The following KHDRBS3 variants were observed in gnomAD, a reference collection of about 807,000 sequenced individuals.
The protein encoded by KHDRBS3 is KH domain-containing, RNA-binding, signal transduction-associated protein 3.
In KHDRBS3, 23 loss-of-function variants were observed where a neutral mutation model predicts 45.6. That is an observed-to-expected ratio of 0.50 (90% CI 0.36 to 0.72). KHDRBS3 has a LOEUF of 0.72. KHDRBS3 is among the 30% of genes least tolerant of loss of function. KHDRBS3 has a pLI of 0.00. For synonymous variants in KHDRBS3, 162 were observed against 156.5 expected, an observed-to-expected ratio of 1.04 and a Z score of -0.26; for missense variants, 352 against 424.8, an observed-to-expected ratio of 0.83 and a Z score of 1.51.
intron 7 of KHDRBS3, among the ~76,000 whole-genome samples, chr8:135,624,174 C>A (rs186635867): frequency 2.0e-5 from 3 of 152,154 alleles, no homozygotes; most frequent in African/African-American, 4.8e-5. Context: ...TTTCACTGAC[C>A]ACTCCCTTTG....
At chr8:135,459,777 C>G (rs1418673464) in intron 1 of KHDRBS3, among the ~76,000 whole-genome samples, 1 of 152,178 alleles carries the variant, frequency 6.6e-6, no homozygotes, top group African/African-American at 2.4e-5. Context: ...GTCCAAAATT[C>G]TTTTGGATTC....
chr8:135,547,074 A>G (rs1295183251), intron 3 of KHDRBS3, among the ~76,000 whole-genome samples: 1 of 152,242 alleles, frequency 6.6e-6, no homozygotes, highest in African/African-American at 2.4e-5. Context: ...TGCTGTACAT[A>G]GAATGCAATT....
At chr8:135,574,389 A>G (rs898361551) in intron 5 of KHDRBS3, among the ~76,000 whole-genome samples, 4 of 152,236 alleles carry the variant, frequency 2.6e-5, no homozygotes, top group African/African-American at 9.6e-5. Flanking sequence ...ACAACTAGAT[A>G]TATATCAAAT....
chr8:135,647,750 A>G (rs1314911162), downstream of KHDRBS3: 1 of 152,244 alleles, frequency 6.6e-6, no homozygotes, highest in Non-Finnish European at 1.5e-5. Context: ...AACTTATTTT[A>G]AAAATGGTAT....
intron 7 of KHDRBS3, among the ~76,000 whole-genome samples, chr8:135,636,567 G>A (rs147970688): frequency 7.2e-4 from 109 of 152,256 alleles, no homozygotes; most frequent in African/African-American, 2.2e-3. Flanking sequence ...ACTACCCTAG[G>A]CTATTTTGAA....
At chr8:135,568,345 A>G (rs1016066874) in intron 5 of KHDRBS3, among the ~76,000 whole-genome samples, 2 of 152,196 alleles carry the variant, frequency 1.3e-5, no homozygotes, top group Admixed American at 6.5e-5. Flanking sequence ...TCAAAAAATA[A>G]CTAATCAAGA....
chr8:135,573,575 A>G (rs1330471571), intron 5 of KHDRBS3, among the ~76,000 whole-genome samples: 3 of 152,226 alleles, frequency 2.0e-5, no homozygotes, highest in Non-Finnish European at 4.4e-5. Flanking sequence ...AGATAGGAAA[A>G]CTGAGGCTTA....
chr8:135,597,605 GT>G (rs1229176985), intron 6 of KHDRBS3, among the ~76,000 whole-genome samples: 1 of 151,942 alleles, frequency 6.6e-6, no homozygotes, highest in Non-Finnish European at 1.5e-5. Flanking sequence ...GCTTGGTTTT[GT>G]TTCTCTGCTT....
At chr8:135,561,639 A>G (rs1321697173) in intron 5 of KHDRBS3, among the ~76,000 whole-genome samples, 1 of 151,992 alleles carries the variant, frequency 6.6e-6, no homozygotes, top group African/African-American at 2.4e-5. Flanking sequence ...CACACTTTTA[A>G]TACAAGATGA....
intron 7 of KHDRBS3, among the ~76,000 whole-genome samples, chr8:135,630,978 G>T (rs1198601181): frequency 6.6e-6 from 1 of 152,108 alleles, no homozygotes; most frequent in Non-Finnish European, 1.5e-5. Context: ...GCCGGGCGCG[G>T]TGGCTCACGC....
At chr8:135,558,672 A>G (rs1484351244) in intron 5 of KHDRBS3, among the ~76,000 whole-genome samples, 1 of 152,136 alleles carries the variant, frequency 6.6e-6, no homozygotes, top group Admixed American at 6.5e-5. Flanking sequence ...TAAATGGTAA[A>G]TCTCTTTCAT....
rs946997633 is a variant in KHDRBS3 at position 135,554,329 on chromosome 8, A to G, written c.472-3119A>G. 9.2e-5 allele frequency among the ~76,000 whole-genome samples: 14 copies of G among 152,122 alleles called. No individual in the cohort carries two copies. The South Asian group carries it at 1.7e-3, about 18-fold the overall frequency. On this transcript the variant is annotated intron_variant, in intron 4 of 8. Coordinates refer to ENST00000355849, the MANE Select transcript of KHDRBS3 (RefSeq NM_006558.3). ...TTTGCATGAATCTATTTTTAACTTC[A>G]TACAATTTAGTATTACACCTCCTAA...
At chr8:135,573,093 C>T (rs927276809) in intron 5 of KHDRBS3, among the ~76,000 whole-genome samples, 7 of 152,024 alleles carry the variant, frequency 4.6e-5, no homozygotes, top group Non-Finnish European at 1.0e-4. Context: ...AAGACTAAGG[C>T]CCTGTCACTA....
chr8:135,458,141 T>C, intron 1 of KHDRBS3, 187 bp downstream of exon 1: 4 of 1,357,476 alleles, frequency 2.9e-6, no homozygotes, highest in Non-Finnish European at 3.8e-6. Context: ...AAGACCCTGA[T>C]GTGAATTTTG....
intron 7 of KHDRBS3, among the ~76,000 whole-genome samples, chr8:135,608,057 C>T (rs1182951648): frequency 5.3e-5 from 8 of 152,060 alleles, no homozygotes; most frequent in African/African-American, 1.9e-4. Context: ...CTAACACTTA[C>T]GGAGCCCAGT....
At chr8:135,535,090 T>C (rs1356747429) in intron 2 of KHDRBS3, among the ~76,000 whole-genome samples, 2 of 152,026 alleles carry the variant, frequency 1.3e-5, no homozygotes, top group African/African-American at 4.8e-5. Flanking sequence ...TGTTATGTAG[T>C]AGTGGATAAC....
chr8:135,560,757 C>T (rs566694375), intron 5 of KHDRBS3, among the ~76,000 whole-genome samples: 2 of 152,240 alleles, frequency 1.3e-5, no homozygotes, highest in South Asian at 4.2e-4. Flanking sequence ...GGTTAATATT[C>T]TGTGATAGCA....
At chr8:135,504,359 C>T (rs1181455686) in intron 1 of KHDRBS3, among the ~76,000 whole-genome samples, 2 of 152,132 alleles carry the variant, frequency 1.3e-5, no homozygotes, top group Non-Finnish European at 2.9e-5. Context: ...TTGCATTTTC[C>T]TCTAAGGAAC....
intron 6 of KHDRBS3, among the ~76,000 whole-genome samples, chr8:135,591,368 C>G (rs7846379): frequency 0.97 from 148,051 of 152,360 alleles, 72,071 homozygotes; most frequent in East Asian, 1. Flanking sequence ...TGCAGGATGT[C>G]TTATTTCCTC....
Sources: allele counts gnomAD v4.1 joint callset (sites outside exome capture counted in the v4.1 genomes callset), GRCh38; gene constraint gnomAD v4.1.1; transcripts MANE v1.5; gene names NCBI Gene and HGNC (gene_info 2026-07-23, HGNC 2026-07-21).